Variants in TMEM51 observed in about 807,000 individuals in gnomAD.
TMEM51 encodes the protein chromosome 1 open reading frame 72.
TMEM51 carries 8 observed loss-of-function variants against 13.6 expected under a neutral mutation model. The ratio of observed to expected loss-of-function variants is 0.59; its 90% confidence interval spans 0.35 to 1.07. TMEM51 has a LOEUF of 1.07. TMEM51 is among the 50% of genes least tolerant of loss of function. The pLI is 0.02. For synonymous variants in TMEM51, 147 were observed against 144.4 expected, an observed-to-expected ratio of 1.02 and a Z score of -0.13; for missense variants, 279 against 330.7, an observed-to-expected ratio of 0.84 and a Z score of 1.21.
intron 2 of TMEM51, among the ~76,000 whole-genome samples, chr1:15,214,006 C>CTTTTTTTTTTTTTTT (rs367871717): frequency 3.2e-5 from 4 of 124,204 alleles, no homozygotes; most frequent in African/African-American, 1.2e-4. Context: ...AGCACCCAGC[C>CTTTTTTTTTTTTTTT]TTTTTTTTTT....
chr1:15,180,832 G>A (rs1426044394), intron 1 of TMEM51, among the ~76,000 whole-genome samples: 10 of 152,100 alleles, frequency 6.6e-5, no homozygotes, highest in Non-Finnish European at 1.5e-4. Flanking sequence ...TATCTGCAGA[G>A]CAAAAACCAA....
At chr1:15,211,975 A>C (rs553444056) in intron 2 of TMEM51, among the ~76,000 whole-genome samples, 160 of 152,262 alleles carry the variant, frequency 1.1e-3, no homozygotes, top group African/African-American at 3.8e-3. Flanking sequence ...CGCTGAACAC[A>C]CTGTTGTTTC....
chr1:15,159,834 C>G (rs1642714804), intron 1 of TMEM51, among the ~76,000 whole-genome samples: 2 of 152,158 alleles, frequency 1.3e-5, no homozygotes, highest in Admixed American at 1.3e-4. Context: ...CCACACCTAG[C>G]CTTCTTCTTT....
In TMEM51 at chr1:15,215,410, C is replaced by T; in HGVS notation, c.323C>T (p.Pro108Leu). The change falls in exon 3 of 4, where the codon CCT becomes CTT. Residue 108 changes from proline (P) to leucine (L), a missense_variant. Pro to Leu is a moderately conservative substitution (Grantham distance 98). Transcript: ENST00000376008. ...AHVQHPTGAGPHAQEEDSQEE... is the reference protein window; with the variant it reads ...AHVQHPTGAGLHAQEEDSQEE... ...GTCCAGCACCCGACAGGCGCTGGGC[C>T]TCACGCCCAGGAGGAAGACAGGTGA... The T allele has an allele frequency of 1.2e-6, 2 of 1,605,310 alleles. No homozygotes were observed. Among genetic ancestry groups the T allele is most frequent in the Non-Finnish European group, 1.7e-6 (2 of 1,177,152 alleles).
intron 1 of TMEM51, among the ~76,000 whole-genome samples, chr1:15,159,482 C>T (rs909960276): frequency 9.9e-5 from 15 of 152,204 alleles, no homozygotes; most frequent in Admixed American, 9.8e-4. Flanking sequence ...TGCTGAGATG[C>T]ACAAAGCATT....
chr1:15,214,915 C>T lies in TMEM51; in HGVS notation c.-173C>T, dbSNP rs1644401222. On this transcript the variant is annotated 5_prime_UTR_variant, in exon 3 of 4. Coordinates refer to ENST00000376008, the MANE Select transcript of TMEM51 (RefSeq NM_001136218.2). ...TCCAGGCCCTTCCACCGCAGCCATC[C>T]GCACGGGAGGCCTCGCGATTGCTCG... The T allele has an allele frequency of 1.1e-5, 7 of 637,778 alleles. No homozygotes were observed. The Admixed American group carries it at 1.5e-4, about 14-fold the overall frequency. 39.5% of individuals were successfully genotyped at this position (637,778 alleles called of 1,614,324 possible).
intron 1 of TMEM51, among the ~76,000 whole-genome samples, chr1:15,170,560 T>C (rs1643225106): frequency 6.6e-6 from 1 of 151,900 alleles, no homozygotes; most frequent in Admixed American, 6.6e-5. Context: ...TCTGCCCACC[T>C]CAGGCTCCCA....
chr1:15,192,807 C>A, intron 1 of TMEM51: 2 of 171,738 alleles, frequency 1.2e-5, no homozygotes, highest in South Asian at 3.1e-4. Flanking sequence ...TGCCTGCAGT[C>A]TATTCCATTT....
At chr1:15,197,087 C>G (rs1644064854) in intron 1 of TMEM51, among the ~76,000 whole-genome samples, 1 of 152,210 alleles carries the variant, frequency 6.6e-6, no homozygotes, top group South Asian at 2.1e-4. Flanking sequence ...CTTTCTCTGC[C>G]CAATGCTCTG....
At chr1:15,185,512 G>A (rs1643746953) in intron 1 of TMEM51, among the ~76,000 whole-genome samples, 1 of 152,202 alleles carries the variant, frequency 6.6e-6, no homozygotes, top group South Asian at 2.1e-4. Flanking sequence ...ATAATAAGTA[G>A]TCTCTTCTTC....
chr1:15,170,146 G>T (rs1643194232), intron 1 of TMEM51, among the ~76,000 whole-genome samples: 1 of 152,132 alleles, frequency 6.6e-6, no homozygotes, highest in Non-Finnish European at 1.5e-5. Context: ...AGGTGTTACT[G>T]TCATAATTAT....
At chr1:15,156,311 G>A (rs189617674) in intron 1 of TMEM51, among the ~76,000 whole-genome samples, 12 of 152,298 alleles carry the variant, frequency 7.9e-5, no homozygotes, top group Non-Finnish European at 1.5e-4. Context: ...TGGGGCTCCC[G>A]TTTTAATAGG....
chr1:15,181,961 G>T (rs1327240992), intron 1 of TMEM51, among the ~76,000 whole-genome samples: 1 of 152,048 alleles, frequency 6.6e-6, no homozygotes, highest in Admixed American at 6.6e-5. Context: ...AGGAGTTCAA[G>T]ACCAGCCTGA....
chr1:15,178,521 C>T (rs187420411), intron 1 of TMEM51, among the ~76,000 whole-genome samples: 59 of 152,312 alleles, frequency 3.9e-4, no homozygotes, highest in African/African-American at 1.3e-3. Flanking sequence ...GTAGTGCTTC[C>T]GGGGTCTTCA....
chr1:15,203,349 G>C (rs1644191762), intron 1 of TMEM51, among the ~76,000 whole-genome samples: 1 of 152,046 alleles, frequency 6.6e-6, no homozygotes, highest in African/African-American at 2.4e-5. Context: ...CCGCCTCCCT[G>C]GTTCAAGCCA....
rs1432634276 is a variant in TMEM51 at position 15,219,834 on chromosome 1, G to A, written c.*91G>A. On this transcript the variant is annotated 3_prime_UTR_variant, in exon 4 of 4. Coordinates refer to ENST00000376008, the MANE Select transcript of TMEM51 (RefSeq NM_001136218.2). ...GCCACATGAGCCACAGTTGAGAAGC[G>A]GAGGGGCCAGCTGTGCATGGAGCCA... 53 of 1,442,530 alleles carry A rather than the reference G, an allele frequency of 3.7e-5. No homozygotes were observed. The Middle Eastern group carries it at 1.2e-3, about 32-fold the overall frequency. 89.4% of individuals were successfully genotyped at this position (1,442,530 alleles called of 1,614,324 possible).
chr1:15,182,823 C>A (rs965048671), intron 1 of TMEM51, among the ~76,000 whole-genome samples: 3 of 152,138 alleles, frequency 2.0e-5, no homozygotes, highest in Non-Finnish European at 4.4e-5. Flanking sequence ...AGTGCAGTGG[C>A]GTGATCTCAT....
At chr1:15,172,482 A>G (rs1451303898) in intron 1 of TMEM51, among the ~76,000 whole-genome samples, 2 of 151,792 alleles carry the variant, frequency 1.3e-5, no homozygotes, top group Non-Finnish European at 2.9e-5. Context: ...AAGAAAAAAG[A>G]AAGAGAAGAA....
rs142440310 is a variant in TMEM51 at position 15,159,351 on chromosome 1, C to T, written c.-267+5397C>T. 4.1e-3 allele frequency among the ~76,000 whole-genome samples: 623 copies of T among 152,222 alleles called. 3 individuals are homozygous for T. The highest frequency in any genetic ancestry group is 5.4e-3 in the Non-Finnish European group (368 of 68,026). On this transcript the variant is annotated intron_variant, in intron 1 of 3. Coordinates refer to ENST00000376008, the MANE Select transcript of TMEM51 (RefSeq NM_001136218.2). ...GACCCTTGACCCCTCCACAAATGAG[C>T]GACTCAAAACACACGTTCACGGTGC... is the stretch of plus-strand genomic sequence containing the variant.
Sources: gnomAD v4.1 joint callset for allele counts (sites outside exome capture counted in the v4.1 genomes callset) on GRCh38, gnomAD v4.1.1 for gene constraint, MANE v1.5 for transcripts, NCBI Gene and HGNC (gene_info 2026-07-23, HGNC 2026-07-21) for gene names.